GTF2IRD1: variants seen among roughly 807,000 people sequenced by gnomAD.
GTF2IRD1 encodes GTF2I repeat domain containing 1, also known as general transcription factor II-I repeat domain-containing protein 1.
A neutral mutation model predicts 113.2 loss-of-function variants in GTF2IRD1; 26 were observed. The observed-to-expected ratio is 0.23, with a 90% CI of 0.17 to 0.32. The LOEUF is 0.32. Ranked by LOEUF, GTF2IRD1 falls within the 10% of genes least tolerant of loss-of-function variation. GTF2IRD1 has a pLI of 1.00. For synonymous variants in GTF2IRD1, 484 were observed against 529.1 expected, an observed-to-expected ratio of 0.91 and a Z score of 1.17; for missense variants, 864 against 1,280.8, an observed-to-expected ratio of 0.67 and a Z score of 4.97.
intron 1 of GTF2IRD1, among the ~76,000 whole-genome samples, chr7:74,494,412 G>A (rs1554337426): frequency 6.6e-6 from 1 of 152,198 alleles, no homozygotes; most frequent in African/African-American, 2.4e-5. Flanking sequence ...GGATAGTCGG[G>A]CTTCCCACGT....
intron 1 of GTF2IRD1, among the ~76,000 whole-genome samples, chr7:74,490,250 C>T (rs941478785): frequency 3.3e-5 from 5 of 152,272 alleles, no homozygotes; most frequent in African/African-American, 1.2e-4. Context: ...AGGCGTGAGC[C>T]ACTGCGCCCA....
intron 1 of GTF2IRD1, among the ~76,000 whole-genome samples, chr7:74,504,852 C>T (rs1193753451): frequency 6.6e-5 from 10 of 151,332 alleles, no homozygotes; most frequent in African/African-American, 1.5e-4. Context: ...GGATTACAGG[C>T]GCCCGCCACC....
chr7:74,536,153 G>T lies in GTF2IRD1; in HGVS notation c.1301-14G>T. ...AGAGGGCCTTCACCCTGACCTCCCT[G>T]ACTCTCCCCACAGGGAACAAGTTTA... On this transcript the variant is annotated splice_polypyrimidine_tract_variant and intron_variant, in intron 10 of 26. Transcript: ENST00000424337. 6.3e-7 allele frequency: 1 copy of T among 1,583,434 alleles called. No individual in the cohort carries two copies. Among genetic ancestry groups the T allele is most frequent in the South Asian group, 1.1e-5 (1 of 90,436 alleles).
rs569359575 is a variant in GTF2IRD1 at position 74,461,015 on chromosome 7, G to A, written c.-7+6839G>A. 1.3e-3 allele frequency among the ~76,000 whole-genome samples: 197 copies of A among 152,330 alleles called. 2 individuals carry two copies. The highest frequency in any genetic ancestry group is 2.2e-3 in the Non-Finnish European group (148 of 68,014). ...AAGGGGCCGGGGTCATGGGGTCCAC[G>A]TCCACCTTCCGCCCGCCTGGGCAGT... On this transcript the variant is annotated intron_variant, in intron 1 of 26. Coordinates refer to ENST00000424337, the MANE Select transcript of GTF2IRD1 (RefSeq NM_005685.4).
intron 25 of GTF2IRD1, among the ~76,000 whole-genome samples, chr7:74,597,433 C>A (rs1246720106): frequency 6.6e-6 from 1 of 151,308 alleles, no homozygotes; most frequent in Non-Finnish European, 1.5e-5. Context: ...GCAACCTCCG[C>A]CTCCTGAGTT....
rs190224028 is a variant in GTF2IRD1, at chr7:74,471,948, C to T, written c.-7+17772C>T. Among the ~76,000 whole-genome samples the T allele has an allele frequency of 1.8e-4, 28 of 152,174 alleles. 1 individual carries two copies. The highest frequency in any genetic ancestry group is 6.8e-3 in the Middle Eastern group (2 of 292). On this transcript the variant is annotated intron_variant, in intron 1 of 26. Transcript: ENST00000424337. ...CGGAGTCTGCAGTGAGCCGAGATGG[C>T]GCCACTGCTCTCCAGCCTAGGCGAC...
At chr7:74,595,827 G>A (rs1554372081) in intron 25 of GTF2IRD1, 3 of 152,492 alleles carry the variant, frequency 2.0e-5, no homozygotes, top group Non-Finnish European at 4.4e-5. Context: ...GGTAGCAGAG[G>A]GGTAGCACGT....
intron 12 of GTF2IRD1, among the ~76,000 whole-genome samples, 165 bp from the exon 13 acceptor site, chr7:74,538,515 C>A (rs782349540): frequency 6.6e-6 from 1 of 152,168 alleles, no homozygotes; most frequent in Non-Finnish European, 1.5e-5. Flanking sequence ...CTGAGGGCTC[C>A]CCTGACCTCC....
chr7:74,510,006 G>A (rs575038952), intron 2 of GTF2IRD1, among the ~76,000 whole-genome samples: 166 of 152,122 alleles, frequency 1.1e-3, no homozygotes, highest in Admixed American at 4.3e-3. Context: ...CGAACTTCTG[G>A]GTACAAAGTC....
chr7:74,499,917 C>A (rs1795931274), intron 1 of GTF2IRD1, among the ~76,000 whole-genome samples: 1 of 152,058 alleles, frequency 6.6e-6, no homozygotes, highest in African/African-American at 2.4e-5. Flanking sequence ...AATGAATGCA[C>A]ACACACAGGA....
intron 1 of GTF2IRD1, among the ~76,000 whole-genome samples, chr7:74,461,642 G>A (rs373495084): frequency 2.5e-4 from 38 of 152,144 alleles, no homozygotes; most frequent in African/African-American, 7.7e-4. Flanking sequence ...GCAGTGGCGC[G>A]ATCTCGGCTC....
chr7:74,484,450 CTTCT>C (rs1217578081), intron 1 of GTF2IRD1, among the ~76,000 whole-genome samples: 10 of 145,812 alleles, frequency 6.9e-5, no homozygotes, highest in Non-Finnish European at 1.2e-4. Flanking sequence ...CCCGGCCATC[CTTCT>C]TTTTTTTTTT....
intron 22 of GTF2IRD1, among the ~76,000 whole-genome samples, chr7:74,567,854 C>T (rs1244283403): frequency 6.6e-6 from 1 of 152,144 alleles, no homozygotes; most frequent in South Asian, 2.1e-4. Flanking sequence ...GGCGTGATCT[C>T]GGCTCACTGC....
intron 7 of GTF2IRD1, 99 bp from the exon 8 acceptor site, chr7:74,523,972 C>A: frequency 1.2e-6 from 1 of 800,918 alleles, no homozygotes; most frequent in Non-Finnish European, 2.1e-6. Context: ...GGGCCGGCCT[C>A]GGGGGCTCTG....
intron 1 of GTF2IRD1, among the ~76,000 whole-genome samples, chr7:74,489,408 T>A (rs1554336220): frequency 1.3e-5 from 2 of 151,998 alleles, no homozygotes; most frequent in Non-Finnish European, 2.9e-5. Context: ...AATGGTGTGA[T>A]CTCAGCTCAC....
intron 22 of GTF2IRD1, among the ~76,000 whole-genome samples, chr7:74,562,405 T>C (rs1244745565): frequency 6.6e-6 from 1 of 152,064 alleles, no homozygotes. Flanking sequence ...TTCAAGTCCC[T>C]GTACCCGCCT....
intron 24 of GTF2IRD1, among the ~76,000 whole-genome samples, chr7:74,592,578 A>T (rs1390116663): frequency 2.0e-5 from 3 of 150,148 alleles, no homozygotes; most frequent in Non-Finnish European, 4.4e-5. Flanking sequence ...CTTGTTACTC[A>T]GGCTAGAGTG....
In GTF2IRD1 at chr7:74,589,995, T is replaced by C. The variant is rs1801960068; in HGVS notation, c.2398+67T>C. On this transcript the variant is annotated intron_variant, in intron 23 of 26. Transcript: ENST00000424337. ...CCGGGGGTGGTGGGGGGCCTCCCTC[T>C]GCAGCCAGCCTGGCTTTCAGGAGCC... 2.9e-5 allele frequency: 30 copies of C among 1,020,152 alleles called. 1 individual carries two copies. The South Asian group carries it at 4.0e-4, about 14-fold the overall frequency. 63.2% of individuals were successfully genotyped at this position (1,020,152 alleles called of 1,614,324 possible).
At chr7:74,482,101 C>T (rs1554334739) in intron 1 of GTF2IRD1, among the ~76,000 whole-genome samples, 1 of 152,002 alleles carries the variant, frequency 6.6e-6, no homozygotes, top group Non-Finnish European at 1.5e-5. Flanking sequence ...AGCCCTGCCT[C>T]TAGGCGGAAC....
Sources: allele counts gnomAD v4.1 joint callset (sites outside exome capture counted in the v4.1 genomes callset), GRCh38; gene constraint gnomAD v4.1.1; transcripts MANE v1.5; gene names NCBI Gene and HGNC (gene_info 2026-07-23, HGNC 2026-07-21).